The following CHD7 variants were observed in gnomAD, a reference collection of about 807,000 sequenced individuals.
CHD7 encodes the protein chromodomain helicase DNA binding protein 7.
CHD7 carries 24 observed loss-of-function variants against 307.3 expected under a neutral mutation model. The ratio of observed to expected loss-of-function variants is 0.08; its 90% CI spans 0.06 to 0.11. The LOEUF (loss-of-function observed/expected upper bound fraction) is 0.11. CHD7 is among the 10% of genes least tolerant of loss of function. CHD7 has a pLI of 1.00. For synonymous variants in CHD7, 1,363 were observed against 1,349.9 expected, an observed-to-expected ratio of 1.01 and a Z score of -0.21; for missense variants, 3,106 against 3,727.1, an observed-to-expected ratio of 0.83 and a Z score of 4.34.
intron 4 of CHD7, among the ~76,000 whole-genome samples, chr8:60,797,008 C>G (rs114952305): frequency 0.012 from 1,801 of 152,238 alleles, 37 homozygotes; most frequent in African/African-American, 0.041. Flanking sequence ...AGTATCTTTT[C>G]TAAAGCAATC....
intron 2 of CHD7, among the ~76,000 whole-genome samples, chr8:60,747,843 T>C (rs1809410130): frequency 6.6e-6 from 1 of 152,198 alleles, no homozygotes; most frequent in South Asian, 2.1e-4. Context: ...ATCTCTGAAG[T>C]GAGGGATCAT....
intron 1 of CHD7, among the ~76,000 whole-genome samples, chr8:60,682,661 A>G (rs755363020): frequency 2.6e-5 from 4 of 152,214 alleles, no homozygotes; most frequent in Non-Finnish European, 5.9e-5. Flanking sequence ...TCCTTTAGGG[A>G]GTGTACCATC....
intron 1 of CHD7, among the ~76,000 whole-genome samples, chr8:60,680,733 A>G (rs1805583005): frequency 6.6e-6 from 1 of 152,222 alleles, no homozygotes; most frequent in Non-Finnish European, 1.5e-5. Flanking sequence ...GACAATGGAC[A>G]AAAGAAAAGT....
At chr8:60,740,298 A>G (rs1208923831) in intron 1 of CHD7, among the ~76,000 whole-genome samples, 1 of 152,224 alleles carries the variant, frequency 6.6e-6, no homozygotes, top group Non-Finnish European at 1.5e-5. Flanking sequence ...TTTGAACTTT[A>G]TTCTGTAAAA....
intron 8 of CHD7, 120 bp downstream of exon 8, chr8:60,816,621 A>G (rs1337607408): frequency 4.8e-6 from 3 of 625,284 alleles, no homozygotes; most frequent in African/African-American, 1.9e-5. Context: ...GTCAACTTGC[A>G]TATTGGTAAC....
In CHD7 at chr8:60,865,848, T is replaced by A. The variant is rs1409024274; in HGVS notation, c.8909T>A (p.Leu2970His). 5 of 1,613,128 alleles carry A rather than the reference T, an allele frequency of 3.1e-6. No homozygotes were observed. Among genetic ancestry groups the A allele is most frequent in the Non-Finnish European group, 4.2e-6 (5 of 1,179,576 alleles). ...CTGGATAAGACTGCAGAGTCCTCCC[T>A]CTTAGAAGACGAAATAGCACAGGGT... ...ESLDKTAESS[L>H]LEDEIAQGEE... Residue 2970 changes from leucine to histidine, a missense_variant, in exon 38 of 38, where the codon CTC becomes CAC. Leu to His is a moderately conservative substitution (Grantham distance 99). Coordinates refer to ENST00000423902, the MANE Select transcript of CHD7 (RefSeq NM_017780.4). This position sits in a 1 kb window ranked among gnomAD's most constrained non-coding sequence, Gnocchi z 4.3.
chr8:60,782,400 A>G (rs1039505866), intron 3 of CHD7, among the ~76,000 whole-genome samples: 1 of 152,184 alleles, frequency 6.6e-6, no homozygotes, highest in Non-Finnish European at 1.5e-5. Flanking sequence ...AACAGAGGAG[A>G]TTAATTTTGT....
chr8:60,803,112 A>C (rs898814466), intron 6 of CHD7, among the ~76,000 whole-genome samples: 4 of 152,204 alleles, frequency 2.6e-5, no homozygotes, highest in Admixed American at 2.6e-4. Context: ...TTTTTGTCCT[A>C]CTAATGACTC....
chr8:60,748,876 T>G (rs1309409094), intron 2 of CHD7, among the ~76,000 whole-genome samples: 1 of 152,026 alleles, frequency 6.6e-6, no homozygotes, highest in East Asian at 1.9e-4. Flanking sequence ...GAAAAAAAAT[T>G]TAAAAGCTAC....
intron 1 of CHD7, among the ~76,000 whole-genome samples, chr8:60,728,540 T>G (rs1370820520): frequency 6.6e-6 from 1 of 152,232 alleles, no homozygotes; most frequent in African/African-American, 2.4e-5. Context: ...TTTCTTTCTT[T>G]TTTTTGAGAC....
intron 7 of CHD7, chr8:60,808,631 C>G (rs944289389): frequency 4.4e-6 from 1 of 226,518 alleles, no homozygotes; most frequent in East Asian, 1.4e-4. Flanking sequence ...GCATAGTGTG[C>G]GAGGCCCTAG....
intron 2 of CHD7, among the ~76,000 whole-genome samples, chr8:60,764,460 C>A (rs1036102948): frequency 6.6e-6 from 1 of 152,084 alleles, no homozygotes; most frequent in Non-Finnish European, 1.5e-5. Flanking sequence ...ATTCTGAGAT[C>A]TTTTTCTGGG....
At chr8:60,834,018 GAATT>G (rs1563641774) in intron 15 of CHD7, among the ~76,000 whole-genome samples, 2 of 152,146 alleles carry the variant, frequency 1.3e-5, no homozygotes, top group African/African-American at 4.8e-5. Context: ...ACAGAGAGCT[GAATT>G]AATTAATTCA....
At chr8:60,772,688 A>G (rs756788335) in intron 2 of CHD7, among the ~76,000 whole-genome samples, 2 of 152,206 alleles carry the variant, frequency 1.3e-5, no homozygotes, top group African/African-American at 2.4e-5. Context: ...ATTCCTGTAT[A>G]GTTACTAAGG....
chr8:60,774,154 C>T (rs1025108341), intron 2 of CHD7, among the ~76,000 whole-genome samples: 12 of 152,180 alleles, frequency 7.9e-5, no homozygotes, highest in African/African-American at 2.9e-4. Context: ...GGTCACATTC[C>T]AGACCTTCTC....
intron 1 of CHD7, among the ~76,000 whole-genome samples, chr8:60,690,216 G>T (rs1280587926): frequency 6.6e-6 from 1 of 151,950 alleles, no homozygotes; most frequent in Non-Finnish European, 1.5e-5. Context: ...AAAATCCCAA[G>T]TCTTAATACT....
intron 1 of CHD7, among the ~76,000 whole-genome samples, chr8:60,714,989 C>A (rs1463372620): frequency 1.3e-5 from 2 of 152,204 alleles, no homozygotes; most frequent in Non-Finnish European, 2.9e-5. Flanking sequence ...CCGGCAGCCA[C>A]AAGAATAGGA....
chr8:60,852,326 A>T (rs1805491826), intron 29 of CHD7, 79 bp downstream of exon 29: 5 of 1,393,654 alleles, frequency 3.6e-6, no homozygotes, highest in Non-Finnish European at 3.9e-6. Context: ...AAGAGACAGG[A>T]CTCATATCAA....
intron 7 of CHD7, among the ~76,000 whole-genome samples, chr8:60,812,453 A>G (rs1283341809): frequency 6.6e-6 from 1 of 152,048 alleles, no homozygotes; most frequent in African/African-American, 2.4e-5. Context: ...TCACGAGGTC[A>G]GGAGCTTGAG....
Sources: allele counts gnomAD v4.1 joint callset (sites outside exome capture counted in the v4.1 genomes callset), GRCh38; gene constraint gnomAD v4.1.1; non-coding constraint Gnocchi (gnomAD v3.1); transcripts MANE v1.5; gene names NCBI Gene and HGNC (gene_info 2026-07-23, HGNC 2026-07-21).